CRYBG1: variants seen among roughly 807,000 people sequenced by gnomAD.
The protein encoded by CRYBG1 is beta/gamma crystallin domain-containing protein 1.
CRYBG1 carries 139 observed loss-of-function variants against 189.2 expected under a neutral mutation model. The ratio of observed to expected loss-of-function variants is 0.73; its 90% CI spans 0.64 to 0.85. The LOEUF (loss-of-function observed/expected upper bound fraction) is 0.85, where lower values mean the gene tolerates loss of function less well. Ranked by LOEUF, CRYBG1 falls within the 40% of genes least tolerant of loss-of-function variation. The probability of loss-of-function intolerance (pLI) is 0.00; values close to 1 mark genes in which losing one functional copy is unlikely to be tolerated. For missense variants in CRYBG1, 2,611 were observed against 2,675.8 expected, an observed-to-expected ratio of 0.98 and a Z score of 0.53; for synonymous variants, 1,023 against 1,017.1, an observed-to-expected ratio of 1.01 and a Z score of -0.11.
chr6:106,432,518 G>A (rs1408255414), intron 1 of CRYBG1, among the ~76,000 whole-genome samples: 1 of 150,234 alleles, frequency 6.7e-6, no homozygotes, highest in Non-Finnish European at 1.5e-5. Context: ...CTACCCCCCA[G>A]GGAGTTAAGT....
chr6:106,458,978 T>C (rs949994432), intron 2 of CRYBG1, among the ~76,000 whole-genome samples: 1 of 152,202 alleles, frequency 6.6e-6, no homozygotes, highest in Non-Finnish European at 1.5e-5. Context: ...ATCCTAAGTA[T>C]GGCATTAAAG....
intron 2 of CRYBG1, among the ~76,000 whole-genome samples, chr6:106,483,378 G>GTGTGTGTGTATATATA (rs1347885031): frequency 1.8e-5 from 2 of 113,694 alleles, no homozygotes; most frequent in East Asian, 3.3e-4. Context: ...GTGTGTGTGT[G>GTGTGTGTGTATATATA]TATATATATA....
At chr6:106,513,987 A>G (rs1332141520) in intron 3 of CRYBG1, among the ~76,000 whole-genome samples, 1 of 152,240 alleles carries the variant, frequency 6.6e-6, no homozygotes, top group African/African-American at 2.4e-5. Context: ...TGAAATTTTT[A>G]TAGCCCCATC....
At chr6:106,474,686 G>T (rs949568386) in intron 2 of CRYBG1, among the ~76,000 whole-genome samples, 1 of 152,174 alleles carries the variant, frequency 6.6e-6, no homozygotes, top group Admixed American at 6.5e-5. Flanking sequence ...GGGAGGCTGT[G>T]TGCAGGGAAT....
chr6:106,406,645 G>A (rs1336246378), intron 1 of CRYBG1, among the ~76,000 whole-genome samples: 3 of 152,150 alleles, frequency 2.0e-5, no homozygotes, highest in Non-Finnish European at 4.4e-5. Context: ...GAGAAAGGTC[G>A]GGTTACCAAC....
intron 1 of CRYBG1, among the ~76,000 whole-genome samples, chr6:106,372,021 A>G (rs1770049234): frequency 1.3e-5 from 2 of 152,182 alleles, no homozygotes; most frequent in Non-Finnish European, 2.9e-5. Context: ...GTTTCTTCCT[A>G]CAGAGACGCT....
At chr6:106,410,940 A>ATG (rs1770918018) in intron 1 of CRYBG1, among the ~76,000 whole-genome samples, 1 of 152,188 alleles carries the variant, frequency 6.6e-6, no homozygotes, top group Non-Finnish European at 1.5e-5. Flanking sequence ...GCAAACCACC[A>ATG]TGGCACATGT....
intron 1 of CRYBG1, among the ~76,000 whole-genome samples, chr6:106,426,713 G>A (rs1286852239): frequency 6.6e-6 from 1 of 152,158 alleles, no homozygotes; most frequent in Non-Finnish European, 1.5e-5. Flanking sequence ...TTCCCTGCAC[G>A]CAGCTGGCTC....
intron 2 of CRYBG1, among the ~76,000 whole-genome samples, chr6:106,476,434 A>G (rs911047383): frequency 3.3e-5 from 5 of 152,184 alleles, no homozygotes; most frequent in African/African-American, 1.2e-4. Context: ...CTATAATTAT[A>G]TAAGTTAGAT....
rs752512015 is a variant in CRYBG1, at chr6:106,512,785, G to C, written c.1668G>C (p.Ala556=). The change falls in exon 3 of 22, where the codon GCG becomes GCC. Residue 556 remains alanine (A), a synonymous_variant. Transcript: ENST00000633556. ...CCAGCCCAGTCACCAAGGGCACTGC[G>C]GCCGAGAGCGGGGAGGAGGCGGCGC... is the stretch of plus-strand genomic sequence containing the variant. ...PDPSPVTKGT[A]AESGEEAARA... is the part of the protein sequence containing the mutation. The C allele has an allele frequency of 3.8e-6, 6 of 1,581,184 alleles. No homozygotes were observed. The African/African-American group carries it at 6.7e-5, about 18-fold the overall frequency.
At chr6:106,456,761 T>A (rs61276325) in intron 2 of CRYBG1, among the ~76,000 whole-genome samples, 19,048 of 152,150 alleles carry the variant, frequency 0.13, 1,228 homozygotes, top group Middle Eastern at 0.18. Context: ...TTTCTCTCAG[T>A]GCCCAATACC....
intron 3 of CRYBG1, among the ~76,000 whole-genome samples, chr6:106,516,239 CTTT>C (rs35042053): frequency 6.9e-6 from 1 of 144,662 alleles, no homozygotes; most frequent in Admixed American, 6.9e-5. Flanking sequence ...GCCCAAGCTT[CTTT>C]TTTTTTTTTT....
At chr6:106,454,810 C>A (rs1255369413) in intron 2 of CRYBG1, 1 of 152,224 alleles carries the variant, frequency 6.6e-6, no homozygotes, top group Non-Finnish European at 1.5e-5. Flanking sequence ...TTGAATCTTT[C>A]AATTAAATTA....
At chr6:106,528,787 T>G (rs1159574396) in intron 7 of CRYBG1, among the ~76,000 whole-genome samples, 1 of 152,204 alleles carries the variant, frequency 6.6e-6, no homozygotes, top group Non-Finnish European at 1.5e-5. Context: ...GAATATCATA[T>G]TCCATTGAAA....
chr6:106,478,134 A>G (rs1772369428), intron 2 of CRYBG1, among the ~76,000 whole-genome samples: 1 of 152,220 alleles, frequency 6.6e-6, no homozygotes, highest in Non-Finnish European at 1.5e-5. Flanking sequence ...TTGGGTTTGG[A>G]AGATTTCAGG....
At chr6:106,390,130 C>A (rs1264017970) in intron 1 of CRYBG1, among the ~76,000 whole-genome samples, 1 of 152,004 alleles carries the variant, frequency 6.6e-6, no homozygotes, top group African/African-American at 2.4e-5. Context: ...ATCCATGAAG[C>A]CTGTTATTGT....
In CRYBG1 at chr6:106,560,904, G is replaced by C. The variant is rs144319815; in HGVS notation, c.5957G>C (p.Gly1986Ala). The C allele has an allele frequency of 8.1e-6, 13 of 1,611,500 alleles. No homozygotes were observed. The highest frequency in any genetic ancestry group is 5.3e-5 in the African/African-American group (4 of 74,798). Residue 1986 changes from glycine to alanine, a missense_variant, in exon 19 of 22, where the codon GGT (glycine) becomes GCT (alanine). Around this residue, in one of 3 missense-constraint regions of CRYBG1, gnomAD observed 1,622 missense variants for 1,735.0 expected, o/e 0.93. Transcript: ENST00000633556. The part of the protein sequence containing the change: ...WYEFSGCRQI[G>A]SLRPFVQKRI... ...GAATTCAGTGGCTGTCGCCAAATAGGTTCTCTACGACCTTTTGTTCAGGTA... is the reference window on the plus strand; with the variant it reads ...GAATTCAGTGGCTGTCGCCAAATAGCTTCTCTACGACCTTTTGTTCAGGTA...
rs755875036 is a variant in CRYBG1, at chr6:106,519,148, A to G, written c.1940A>G (p.His647Arg). ...CCTCACAGCCCTGCCAAGCCCAAAC[A>G]TGTGGAACTAAATCTTAAAACCCCT... ...TKVTLPAKPK[H>R]VELNLKTPKN... Residue 647 changes from histidine to arginine, a missense_variant, in exon 4 of 22, where the codon CAT becomes CGT. By Grantham distance (29) the His-to-Arg change is conservative. Around this residue, in one of 3 missense-constraint regions of CRYBG1, gnomAD observed 985 missense variants for 924.4 expected, o/e 1.07. Coordinates refer to ENST00000633556, the MANE Select transcript of CRYBG1 (RefSeq NM_001371242.2). The G allele has an allele frequency of 6.2e-7, 1 of 1,613,304 alleles. No individual in the cohort carries two copies. Among genetic ancestry groups the G allele is most frequent in the Non-Finnish European group, 8.5e-7 (1 of 1,179,602 alleles).
chr6:106,540,570 G>A (rs567458848), intron 9 of CRYBG1, among the ~76,000 whole-genome samples: 3 of 152,264 alleles, frequency 2.0e-5, no homozygotes, highest in African/African-American at 7.2e-5. Flanking sequence ...GGAGCAGTTT[G>A]TAATGATGAT....
Sources: gnomAD v4.1 joint callset for allele counts (sites outside exome capture counted in the v4.1 genomes callset) on GRCh38, gnomAD v4.1.1 for gene constraint, gnomAD v4.1.1 regional missense constraint, MANE v1.5 for transcripts, NCBI Gene and HGNC (gene_info 2026-07-23, HGNC 2026-07-21) for gene names.